The following CSNK1G1 variants were observed in gnomAD, a reference collection of about 807,000 sequenced individuals.
CSNK1G1 encodes the protein casein kinase I isoform gamma-1.
In CSNK1G1, 22 loss-of-function variants were observed where a neutral mutation model predicts 59.6. The observed-to-expected ratio is 0.37, with a 90% CI of 0.26 to 0.53. The LOEUF is 0.53. Ranked by LOEUF, CSNK1G1 falls within the 20% of genes least tolerant of loss-of-function variation. The pLI is 0.89. For missense variants in CSNK1G1, 384 were observed against 519.5 expected, an observed-to-expected ratio of 0.74 and a Z score of 2.54; for synonymous variants, 179 against 177.1, an observed-to-expected ratio of 1.01 and a Z score of -0.08.
chr15:64,293,610 A>G (rs901804137), intron 2 of CSNK1G1, among the ~76,000 whole-genome samples: 6 of 152,218 alleles, frequency 3.9e-5, no homozygotes, highest in African/African-American at 1.4e-4. Flanking sequence ...AAGAAATTAA[A>G]CCAACTTTAA....
At chr15:64,343,967 C>CTT (rs1555405274) in intron 1 of CSNK1G1, among the ~76,000 whole-genome samples, 1 of 151,872 alleles carries the variant, frequency 6.6e-6, no homozygotes, top group Non-Finnish European at 1.5e-5. Context: ...AATTACATTC[C>CTT]TTTCTTTTTA....
At chr15:64,240,564 A>G (rs548113849) in intron 4 of CSNK1G1, among the ~76,000 whole-genome samples, 22 of 152,112 alleles carry the variant, frequency 1.4e-4, no homozygotes, top group Non-Finnish European at 2.5e-4. Flanking sequence ...CAAGAAAATT[A>G]TAAGGGAGTA....
chr15:64,304,275 T>G (rs1895537291), intron 1 of CSNK1G1, among the ~76,000 whole-genome samples: 1 of 148,044 alleles, frequency 6.8e-6, no homozygotes, highest in Non-Finnish European at 1.5e-5. Context: ...CCCAGCTACT[T>G]GGGTGGCTGA....
chr15:64,297,438 G>A (rs564131146), intron 2 of CSNK1G1, among the ~76,000 whole-genome samples: 3 of 152,068 alleles, frequency 2.0e-5, no homozygotes, highest in Non-Finnish European at 4.4e-5. Flanking sequence ...GTCAGGTGTG[G>A]CGGCTCACAT....
At chr15:64,317,489 T>G (rs1896334393) in intron 1 of CSNK1G1, among the ~76,000 whole-genome samples, 1 of 152,094 alleles carries the variant, frequency 6.6e-6, no homozygotes, top group South Asian at 2.1e-4. Flanking sequence ...GTGAATATTA[T>G]CAAATACTTT....
At chr15:64,338,737 G>A (rs1285028122) in intron 1 of CSNK1G1, among the ~76,000 whole-genome samples, 1 of 137,464 alleles carries the variant, frequency 7.3e-6, no homozygotes, top group Non-Finnish European at 1.5e-5. Context: ...AACACTTCTG[G>A]CCGGGCGCGA....
At chr15:64,309,274 C>A (rs1234269018) in intron 1 of CSNK1G1, among the ~76,000 whole-genome samples, 1 of 150,310 alleles carries the variant, frequency 6.7e-6, no homozygotes, top group South Asian at 2.1e-4. Flanking sequence ...TTTGCAGGGC[C>A]TAGCATGGTA....
intron 11 of CSNK1G1, among the ~76,000 whole-genome samples, chr15:64,177,587 G>C (rs2081756483): frequency 6.6e-6 from 1 of 152,160 alleles, no homozygotes; most frequent in South Asian, 2.1e-4. Flanking sequence ...ACCTGAAGCT[G>C]GTGGCAAAGA....
intron 2 of CSNK1G1, among the ~76,000 whole-genome samples, chr15:64,294,515 C>T (rs543048962): frequency 1.7e-4 from 26 of 152,198 alleles, no homozygotes; most frequent in African/African-American, 6.0e-4. Flanking sequence ...AAATTTTAAG[C>T]AATAAGTGTA....
At chr15:64,304,256 G>A (rs541989987) in intron 1 of CSNK1G1, among the ~76,000 whole-genome samples, 7 of 151,576 alleles carry the variant, frequency 4.6e-5, no homozygotes, top group Admixed American at 1.3e-4. Context: ...GGTGGTAGGC[G>A]CCTGTAATCC....
intron 1 of CSNK1G1, among the ~76,000 whole-genome samples, chr15:64,323,559 T>G (rs1196025788): frequency 2.6e-5 from 4 of 151,640 alleles, no homozygotes; most frequent in African/African-American, 7.3e-5. Context: ...GACATGGGGT[T>G]TCTCCATGTT....
intron 2 of CSNK1G1, among the ~76,000 whole-genome samples, chr15:64,297,700 A>G (rs1170705774): frequency 3.7e-5 from 5 of 134,712 alleles, no homozygotes; most frequent in Non-Finnish European, 6.9e-5. Context: ...CTGTCTCTCA[A>G]AAAAAAAAAA....
chr15:64,247,271 G>A (rs749398800), intron 4 of CSNK1G1, among the ~76,000 whole-genome samples: 2 of 152,136 alleles, frequency 1.3e-5, no homozygotes, highest in Non-Finnish European at 2.9e-5. Flanking sequence ...ATTAAAACTT[G>A]CCTATGGTGA....
At chr15:64,199,902 G>A (rs940155402) in intron 10 of CSNK1G1, among the ~76,000 whole-genome samples, 4 of 152,008 alleles carry the variant, frequency 2.6e-5, no homozygotes, top group Non-Finnish European at 5.9e-5. Context: ...CACATTCTAA[G>A]AGAATGGAGG....
At chr15:64,235,193 A>G (rs1020441937) in intron 4 of CSNK1G1, among the ~76,000 whole-genome samples, 1 of 152,146 alleles carries the variant, frequency 6.6e-6, no homozygotes, top group African/African-American at 2.4e-5. Context: ...TATATTTCCT[A>G]TCTTGGTTTC....
chr15:64,253,551 A>G (rs1334533634), intron 3 of CSNK1G1, among the ~76,000 whole-genome samples: 1 of 152,250 alleles, frequency 6.6e-6, no homozygotes, highest in Non-Finnish European at 1.5e-5. Flanking sequence ...ATTATGATTT[A>G]CAATTCTATT....
At chr15:64,299,955 A>G (rs1347364352) in intron 2 of CSNK1G1, among the ~76,000 whole-genome samples, 3 of 152,156 alleles carry the variant, frequency 2.0e-5, no homozygotes, top group Non-Finnish European at 4.4e-5. Context: ...GTCCTTCTTA[A>G]AAGACCAACA....
intron 11 of CSNK1G1, 53 bp downstream of exon 11, chr15:64,180,295 A>G (rs2081794693): frequency 7.6e-7 from 1 of 1,318,272 alleles, no homozygotes; most frequent in African/African-American, 1.4e-5. Flanking sequence ...AGGAAGAGAC[A>G]GAAAAGATTT....
chr15:64,246,639 AGG>A (rs35838047), intron 4 of CSNK1G1, among the ~76,000 whole-genome samples: 1,174 of 88,950 alleles, frequency 0.013, 25 homozygotes, highest in African/African-American at 0.047. Context: ...AAAAAAAAAA[AGG>A]GGGGGGGGGA....
Sources: allele counts gnomAD v4.1 joint callset (sites outside exome capture counted in the v4.1 genomes callset), GRCh38; gene constraint gnomAD v4.1.1; transcripts MANE v1.5; gene names NCBI Gene and HGNC (gene_info 2026-07-23, HGNC 2026-07-21).